ANKRD24: variants seen among roughly 807,000 people sequenced by gnomAD.
ANKRD24 encodes the protein ankyrin repeat domain 24.
ANKRD24 carries 109 observed loss-of-function variants against 127.8 expected under a neutral mutation model. The observed-to-expected ratio is 0.85, with a 90% CI of 0.73 to 1.00. ANKRD24 has a LOEUF of 1.00. ANKRD24 is among the 50% of genes least tolerant of loss of function. The pLI, the probability that ANKRD24 is intolerant of heterozygous loss-of-function variation, is 0.00. For synonymous variants in ANKRD24, 743 were observed against 671.1 expected (o/e 1.11, Z -1.66); for missense variants, 1,648 against 1,570.2 (o/e 1.05, Z -0.84).
rs376089361 is a variant in ANKRD24, at chr19:4,224,139, G to A, written c.3310G>A (p.Asp1104Asn). Reference sequence around the variant, plus strand: ...CTCATGCCCACAGGAAGCTGCCAGGGACCACTCCAGCGTGGTGGCTTTGTA... The same window carrying A: ...CTCATGCCCACAGGAAGCTGCCAGGAACCACTCCAGCGTGGTGGCTTTGTA... Reference protein sequence around the residue: ...LQQQLQEAARDHSSVVALYRS... With the variant: ...LQQQLQEAARNHSSVVALYRS... Residue 1104 changes from aspartate (D) to asparagine (N), a missense_variant, in exon 21 of 22, where the codon GAC (aspartate) becomes AAC (asparagine). By Grantham distance (23) the Asp-to-Asn change is conservative. Transcript: ENST00000318934. The A allele has an allele frequency of 1.2e-6, 2 of 1,612,854 alleles. No individual in the cohort carries two copies. The highest frequency in any genetic ancestry group is 1.3e-5 in the African/African-American group (1 of 75,014).
rs1970227136 is a variant in ANKRD24 at position 4,218,084 on chromosome 19, A to C, written c.2924A>C (p.Gln975Pro). ...CACGAACGCATCGTGGGCACCCTGCAGGCCAACGTGGCCCAGCTGGAGGGG... is the reference window on the plus strand; with the variant it reads ...CACGAACGCATCGTGGGCACCCTGCCGGCCAACGTGGCCCAGCTGGAGGGG... The part of the protein sequence containing the change: ...SEHERIVGTL[Q>P]ANVAQLEGQL... The change falls in exon 18 of 22, where the codon CAG becomes CCG. Residue 975 changes from glutamine (Q) to proline (P), a missense_variant. Physicochemically the swap from Gln to Pro is moderately conservative, Grantham distance 76. Coordinates refer to ENST00000318934, the MANE Select transcript of ANKRD24 (RefSeq NM_001393985.1). 6.5e-7 allele frequency: 1 copy of C among 1,549,938 alleles called. No individual in the cohort carries two copies. The highest frequency in any genetic ancestry group is 8.7e-7 in the Non-Finnish European group (1 of 1,150,708).
chr19:4,193,886 A>AGGAAGGAG lies in ANKRD24; in HGVS notation c.37-5790_37-5789insGGGAAGGA, dbSNP rs1182762728. Among the ~76,000 whole-genome samples, 505 of 150,134 alleles carry AGGAAGGAG rather than the reference A, an allele frequency of 3.4e-3. 6 individuals are homozygous for AGGAAGGAG. Among genetic ancestry groups the AGGAAGGAG allele is most frequent in the Middle Eastern group, 0.014 (4 of 290 alleles). On this transcript the variant is annotated intron_variant, in intron 2 of 21. Transcript: ENST00000318934. ...AAGGAAGGAAGGAAGGAAGGAAGGA[A>AGGAAGGAG]GGAAGGAAAAACTCCATGAGGTCAG...
In ANKRD24 at chr19:4,216,534, C is replaced by G. The variant is rs1454945549; in HGVS notation, c.1390-16C>G. The G allele has an allele frequency of 3.8e-6, 6 of 1,593,382 alleles. No homozygotes were observed. The South Asian group carries it at 5.7e-5, about 15-fold the overall frequency. On this transcript the variant is annotated splice_polypyrimidine_tract_variant and intron_variant, in intron 17 of 21. Transcript: ENST00000318934. ...TCAACTCCTGCCAGACTCCTGCCCC[C>G]CACTCCACTCCCCAGATCCTGGAGA...
chr19:4,198,663 T>TG lies in ANKRD24; in HGVS notation c.37-1013dup, dbSNP rs143268501. ...GGGAAAGATGGTCGGCGGCGGGGGG[T>TG]GGGGGGGAACAGAGGTTGGGGCAGC... is the stretch of plus-strand genomic sequence containing the variant. On this transcript the variant is annotated intron_variant, in intron 2 of 21. Transcript: ENST00000318934. This position sits in a 1 kb window ranked among gnomAD's most constrained non-coding sequence, Gnocchi z 6.1. The TG allele has an allele frequency of 0.023, 8,883 of 391,220 alleles. 394 individuals carry two copies. Among genetic ancestry groups the TG allele is most frequent in the African/African-American group, 0.13 (5,878 of 46,282 alleles). 24.2% of individuals were successfully genotyped at this position (391,220 alleles called of 1,614,324 possible). A position where few individuals can be genotyped will look rare whatever the true frequency, so the allele number is the denominator to read the frequency against.
In ANKRD24 at chr19:4,195,504, G is replaced by C. The variant is rs890390143; in HGVS notation, c.37-4179G>C. On this transcript the variant is annotated intron_variant, in intron 2 of 21. Coordinates refer to ENST00000318934, the MANE Select transcript of ANKRD24 (RefSeq NM_001393985.1). The surrounding 1 kb of genome is among the most constrained non-coding windows in gnomAD (Gnocchi z 4.2). ...TCAGAGGACCTCCCCACCCCCAAGG[G>C]TGGAAGGAGAGAAGAGTTCCAAGGA... is the stretch of plus-strand genomic sequence containing the variant. Among the ~76,000 whole-genome samples the C allele has an allele frequency of 2.6e-5, 4 of 152,142 alleles. No individual in the cohort carries two copies. Among genetic ancestry groups the C allele is most frequent in the African/African-American group, 9.7e-5 (4 of 41,416 alleles).
chr19:4,188,957 G>A (rs1968219723), intron 2 of ANKRD24, among the ~76,000 whole-genome samples: 1 of 151,988 alleles, frequency 6.6e-6, no homozygotes, highest in Non-Finnish European at 1.5e-5. Flanking sequence ...ACAGGCGCCT[G>A]CCACTATGGC....
rs907089992 is a variant in ANKRD24, at chr19:4,199,011, G to T, written c.37-672G>T. 6.6e-6 allele frequency among the ~76,000 whole-genome samples: 1 copy of T among 152,108 alleles called. No homozygotes were observed. On this transcript the variant is annotated intron_variant, in intron 2 of 21. Coordinates refer to ENST00000318934, the MANE Select transcript of ANKRD24 (RefSeq NM_001393985.1). The surrounding 1 kb of genome is among the most constrained non-coding windows in gnomAD (Gnocchi z 5.2). ...TTCAGGAATTTGGGGGAGACATTTC[G>T]TAATGCATTTCAGGCTATAGTGTTG...
chr19:4,217,278 T>C lies in ANKRD24; in HGVS notation c.2118T>C (p.Ala706=), dbSNP rs1236355807. ...GVEATVPGIS[A]GPILHPGAAE... The stretch of plus-strand genomic sequence containing the variant: ...AGGCCACGGTCCCGGGGATCTCTGC[T>C]GGCCCCATCCTACATCCTGGTGCCG... Residue 706 remains alanine, a synonymous_variant, in exon 18 of 22, where the codon GCT becomes GCC. Transcript: ENST00000318934. 1 of 1,560,850 alleles carries C rather than the reference T, an allele frequency of 6.4e-7. No individual in the cohort carries two copies. The highest frequency in any genetic ancestry group is 8.7e-7 in the Non-Finnish European group (1 of 1,152,530).
Position 4,218,033 on chromosome 19 carries a change from G to C in ANKRD24, c.2873G>C (p.Arg958Pro). Residue 958 changes from arginine to proline, a missense_variant, in exon 18 of 22, where the codon CGT becomes CCT. Transcript: ENST00000318934. ...CTGCGCGCGGAGCTGGAGCGGGAGCGTGTGTGCAGCGTGGCGCTCTCGGAG... is the reference window on the plus strand; with the variant it reads ...CTGCGCGCGGAGCTGGAGCGGGAGCCTGTGTGCAGCGTGGCGCTCTCGGAG... ...ARLRAELERE[R>P]VCSVALSEHE... 3 of 1,559,498 alleles carry C rather than the reference G, an allele frequency of 1.9e-6. No homozygotes were observed. The highest frequency in any genetic ancestry group is 1.2e-5 in the South Asian group (1 of 84,744).
chr19:4,215,359 C>G (rs1969996960), intron 15 of ANKRD24, among the ~76,000 whole-genome samples: 1 of 151,938 alleles, frequency 6.6e-6, no homozygotes, highest in Non-Finnish European at 1.5e-5. Context: ...GTGGTACATG[C>G]CTGTAATCCC....
rs906119715 is a variant in ANKRD24 at position 4,214,769 on chromosome 19, G to A, written c.1198-1209G>A. On this transcript the variant is annotated intron_variant, in intron 15 of 21. Coordinates refer to ENST00000318934, the MANE Select transcript of ANKRD24 (RefSeq NM_001393985.1). Reference sequence around the variant, plus strand: ...CTCGGGAGGCTAAGGCAGGAGAATCGCTTGAACTCAGGAGGCGGAGGTTGC... The same window carrying A: ...CTCGGGAGGCTAAGGCAGGAGAATCACTTGAACTCAGGAGGCGGAGGTTGC... Among the ~76,000 whole-genome samples, 4 of 152,234 alleles carry A rather than the reference G, an allele frequency of 2.6e-5. No homozygotes were observed. The East Asian group carries it at 7.8e-4, about 30-fold the overall frequency.
chr19:4,224,667 C>T lies in ANKRD24; in HGVS notation c.*162C>T, dbSNP rs540316718. ...CCTGCCCGACCACCCCCAGCTGGCTCCATCACCCCACCTGGTCTCTGCACG... is the reference window on the plus strand; with the variant it reads ...CCTGCCCGACCACCCCCAGCTGGCTTCATCACCCCACCTGGTCTCTGCACG... On this transcript the variant is annotated 3_prime_UTR_variant, in exon 22 of 22. Coordinates refer to ENST00000318934, the MANE Select transcript of ANKRD24 (RefSeq NM_001393985.1). 69 of 680,344 alleles carry T rather than the reference C, an allele frequency of 1.0e-4. No individual in the cohort carries two copies. In the African/African-American group the frequency reaches 1.0e-3, roughly 10 times the overall value. The allele number at this position is 680,344 out of a possible 1,614,324, so 42.1% of individuals were successfully genotyped here.
At chr19:4,185,939 G>A (rs114411484) in intron 1 of ANKRD24, among the ~76,000 whole-genome samples, 106 of 152,252 alleles carry the variant, frequency 7.0e-4, no homozygotes, top group African/African-American at 2.5e-3. Context: ...ATAAGAGCAA[G>A]GGATTTTGGA....
intron 15 of ANKRD24, among the ~76,000 whole-genome samples, chr19:4,213,383 T>C (rs896897413): frequency 2.2e-5 from 3 of 135,048 alleles, no homozygotes; most frequent in Non-Finnish European, 3.4e-5. Context: ...CTTTCCTTCT[T>C]CCTTCCCTTC....
At chr19:4,214,011 G>C (rs955013286) in intron 15 of ANKRD24, among the ~76,000 whole-genome samples, 1 of 152,116 alleles carries the variant, frequency 6.6e-6, no homozygotes, top group Non-Finnish European at 1.5e-5. Flanking sequence ...GGCGGAGCAT[G>C]GTTAACAGCA....
At position 4,200,261 on chromosome 19, in the gene ANKRD24, A is replaced by G. The variant is rs1051563020; in HGVS notation, c.343+90A>G. 5.8e-5 allele frequency: 78 copies of G among 1,351,450 alleles called. 1 individual carries two copies. Among genetic ancestry groups the G allele is most frequent in the East Asian group, 5.1e-5 (2 of 39,512 alleles). The allele number at this position is 1,351,450 out of a possible 1,614,324, so 83.7% of individuals were successfully genotyped here. On this transcript the variant is annotated intron_variant, in intron 5 of 21. Coordinates refer to ENST00000318934, the MANE Select transcript of ANKRD24 (RefSeq NM_001393985.1). ...AGCCAGACCCTGCTCCCAGGTCTCA[A>G]TGTTCCCCGCTGAAAAAAGGGGAGG...
In ANKRD24 at chr19:4,198,678, G is replaced by A. The variant is rs1968915655; in HGVS notation, c.37-1005G>A. 5 of 403,140 alleles carry A rather than the reference G, an allele frequency of 1.2e-5. No individual in the cohort carries two copies. In the East Asian group the frequency reaches 1.8e-4, roughly 15 times the overall value. 25.0% of individuals were successfully genotyped at this position (403,140 alleles called of 1,614,324 possible). A position where few individuals can be genotyped will look rare whatever the true frequency, so the allele number is the denominator to read the frequency against. ...CGGCGGGGGGTGGGGGGGAACAGAGGTTGGGGCAGCTTTTGGGGGAATGGA... is the reference window on the plus strand; with the variant it reads ...CGGCGGGGGGTGGGGGGGAACAGAGATTGGGGCAGCTTTTGGGGGAATGGA... On this transcript the variant is annotated intron_variant, in intron 2 of 21. Transcript: ENST00000318934. This position sits in a 1 kb window ranked among gnomAD's most constrained non-coding sequence, Gnocchi z 6.1.
Position 4,199,461 on chromosome 19 carries a change from C to G in ANKRD24, c.37-222C>G. The G allele has an allele frequency of 1.0e-6, 1 of 978,362 alleles. No homozygotes were observed. The highest frequency in any genetic ancestry group is 1.7e-5 in the African/African-American group (1 of 57,250). 60.6% of individuals were successfully genotyped at this position (978,362 alleles called of 1,614,324 possible). A position where few individuals can be genotyped will look rare whatever the true frequency, so the allele number is the denominator to read the frequency against. Reference sequence around the variant, plus strand: ...TCCTAGGCTCAAGCGATCCTCCCACCTTGGCCTCCCCAGATGCTGGGACTA... The same window carrying G: ...TCCTAGGCTCAAGCGATCCTCCCACGTTGGCCTCCCCAGATGCTGGGACTA... On this transcript the variant is annotated intron_variant, in intron 2 of 21. Transcript: ENST00000318934. The surrounding 1 kb of genome is among the most constrained non-coding windows in gnomAD (Gnocchi z 5.2).
intron 5 of ANKRD24, among the ~76,000 whole-genome samples, chr19:4,200,390 G>A (rs1187619648): frequency 6.6e-6 from 1 of 152,180 alleles, no homozygotes; most frequent in African/African-American, 2.4e-5. Context: ...CAAAGCCAGT[G>A]GACAGCTTGT....
Sources: gnomAD v4.1 joint callset for allele counts (sites outside exome capture counted in the v4.1 genomes callset) on GRCh38, gnomAD v4.1.1 for gene constraint, Gnocchi (gnomAD v3.1) non-coding constraint, MANE v1.5 for transcripts, NCBI Gene and HGNC (gene_info 2026-07-23, HGNC 2026-07-21) for gene names.